The following PTGFRN variants were observed in gnomAD, a reference collection of about 807,000 sequenced individuals.
PTGFRN encodes prostaglandin F2 receptor inhibitor.
PTGFRN carries 35 observed loss-of-function variants against 83.2 expected under a neutral mutation model. The ratio of observed to expected loss-of-function variants is 0.42; its 90% CI spans 0.32 to 0.56. PTGFRN has a LOEUF of 0.56. Among genes scored for constraint, PTGFRN ranks in the 20% least tolerant of loss-of-function variants. The pLI, the probability that PTGFRN is intolerant of heterozygous loss-of-function variation, is 0.11. For synonymous variants in PTGFRN, 519 were observed against 498.6 expected (o/e 1.04, Z -0.55); for missense variants, 1,051 against 1,179.5 (o/e 0.89, Z 1.60).
At position 116,910,165 on chromosome 1, in the gene PTGFRN, AAGGAGG is replaced by A; in HGVS notation, c.-32_-27del. 1 of 1,513,546 alleles carries A rather than the reference AAGGAGG, an allele frequency of 6.6e-7. No homozygotes were observed. The highest frequency in any genetic ancestry group is 1.2e-5 in the South Asian group (1 of 82,374). 93.8% of individuals were successfully genotyped at this position (1,513,546 alleles called of 1,614,324 possible). A position where few individuals can be genotyped will look rare whatever the true frequency, so the allele number is the denominator to read the frequency against. ...AGGAGGAGGAGGAGAGGCGGCGGGGAAGGAGGAGGAGGGGGAGAGTCGCTCCCGCCG... is the reference window on the plus strand; with the variant it reads ...AGGAGGAGGAGGAGAGGCGGCGGGGAAGGAGGGGGAGAGTCGCTCCCGCCG... On this transcript the variant is annotated 5_prime_UTR_variant, in exon 1 of 9. Transcript: ENST00000393203.
chr1:116,914,537 G>C (rs1303343323), intron 1 of PTGFRN, among the ~76,000 whole-genome samples: 1 of 152,170 alleles, frequency 6.6e-6, no homozygotes, highest in African/African-American at 2.4e-5. Flanking sequence ...GATTGCTTGA[G>C]ATCAGGAGAT....
intron 8 of PTGFRN, among the ~76,000 whole-genome samples, chr1:116,986,285 A>G (rs1651480821): frequency 6.6e-6 from 1 of 152,202 alleles, no homozygotes; most frequent in South Asian, 2.1e-4. Flanking sequence ...CATATTTTGC[A>G]TCTTAGGAAT....
In PTGFRN at chr1:116,913,214, A is replaced by C. The variant is rs77621579; in HGVS notation, c.49+2962A>C. Among the ~76,000 whole-genome samples the C allele has an allele frequency of 4.4e-3, 676 of 152,300 alleles. 4 individuals are homozygous for C. Among genetic ancestry groups the C allele is most frequent in the Non-Finnish European group, 6.2e-3 (423 of 68,012 alleles). ...TGGGAAACAAGGAAGGGGATGATTA[A>C]TTTTGACTTGGGGGTTGGGGCTGGT... On this transcript the variant is annotated intron_variant, in intron 1 of 8. Coordinates refer to ENST00000393203, the MANE Select transcript of PTGFRN (RefSeq NM_020440.4).
chr1:116,973,356 A>T (rs1458161350), intron 6 of PTGFRN, among the ~76,000 whole-genome samples: 2 of 152,114 alleles, frequency 1.3e-5, no homozygotes, highest in African/African-American at 4.8e-5. Flanking sequence ...TCCACCTGTA[A>T]TCTCAGCACT....
chr1:116,970,767 A>G (rs1304983575), intron 6 of PTGFRN, among the ~76,000 whole-genome samples: 1 of 152,184 alleles, frequency 6.6e-6, no homozygotes, highest in African/African-American at 2.4e-5. Context: ...ATTGATTTGA[A>G]ACTGAACAGC....
rs1473463818 is a variant in PTGFRN at position 116,949,396 on chromosome 1, T to G, written c.1037T>G (p.Val346Gly). Reference sequence around the variant, plus strand: ...TCCCTGGTGCACAGCTCGCCTCATGTTGCTTTGAGTCATGTGGATGCACGC... The same window carrying G: ...TCCCTGGTGCACAGCTCGCCTCATGGTGCTTTGAGTCATGTGGATGCACGC... ...RDSLVHSSPH[V>G]ALSHVDARSY... Residue 346 changes from valine to glycine, a missense_variant, in exon 4 of 9, where the codon GTT (valine) becomes GGT (glycine). By Grantham distance (109) the Val-to-Gly change is moderately radical. Coordinates refer to ENST00000393203, the MANE Select transcript of PTGFRN (RefSeq NM_020440.4). 2 of 1,614,152 alleles carry G rather than the reference T, an allele frequency of 1.2e-6. No individual in the cohort carries two copies. The highest frequency in any genetic ancestry group is 1.7e-6 in the Non-Finnish European group (2 of 1,180,058).
intron 1 of PTGFRN, among the ~76,000 whole-genome samples, chr1:116,940,560 G>T (rs1263539836): frequency 6.6e-6 from 1 of 152,108 alleles, no homozygotes; most frequent in Non-Finnish European, 1.5e-5. Flanking sequence ...TTTGGATGGG[G>T]ACATAATTCA....
At chr1:116,937,244 G>T (rs1191463453) in intron 1 of PTGFRN, among the ~76,000 whole-genome samples, 1 of 152,148 alleles carries the variant, frequency 6.6e-6, no homozygotes, top group East Asian at 1.9e-4. Context: ...AACAAAAACG[G>T]CCAGGTCCTG....
At chr1:116,968,516 G>A (rs1557746745) in intron 6 of PTGFRN, among the ~76,000 whole-genome samples, 1 of 151,922 alleles carries the variant, frequency 6.6e-6, no homozygotes, top group Non-Finnish European at 1.5e-5. Flanking sequence ...CCTTTATTGT[G>A]TATCTGTTTG....
intron 5 of PTGFRN, among the ~76,000 whole-genome samples, chr1:116,964,839 A>C (rs1650779627): frequency 6.6e-6 from 1 of 152,244 alleles, no homozygotes; most frequent in Non-Finnish European, 1.5e-5. Context: ...AAATTGACTT[A>C]GAATCTGGCT....
chr1:116,944,432 G>T (rs1409151530), intron 2 of PTGFRN, among the ~76,000 whole-genome samples: 3 of 152,166 alleles, frequency 2.0e-5, no homozygotes, highest in Non-Finnish European at 2.9e-5. Context: ...CATCCCCAAG[G>T]CACGACTCCC....
chr1:116,945,239 T>A, intron 3 of PTGFRN, 147 bp downstream of exon 3: 1 of 1,074,974 alleles, frequency 9.3e-7, no homozygotes, highest in Non-Finnish European at 1.3e-6. Flanking sequence ...GTGAAGGGAG[T>A]AGGGTGTTGA....
At position 116,949,455 on chromosome 1, in the gene PTGFRN, GA is replaced by G; in HGVS notation, c.1100del (p.Asn367ThrfsTer35). 6.2e-7 allele frequency: 1 copy of G among 1,614,254 alleles called. No individual in the cohort carries two copies. Among genetic ancestry groups the G allele is most frequent in the Non-Finnish European group, 8.5e-7 (1 of 1,180,042 alleles). ...TTTACTGGTTCGGGATGTTAGCAAAGAAAACTCTGGCTACTATTACTGCCAC... is the reference window on the plus strand; with the variant it reads ...TTTACTGGTTCGGGATGTTAGCAAAGAAACTCTGGCTACTATTACTGCCAC... ...YHLLVRDVSK[E>X]NSGYYYCHVS... On this transcript the variant is annotated frameshift_variant, in exon 4 of 9. Transcript: ENST00000393203. LOFTEE classifies it high-confidence loss of function.
Position 116,961,317 on chromosome 1 carries a change from C to T in PTGFRN, c.1288C>T (p.Arg430Trp), listed in dbSNP as rs148524321. 83 of 1,562,884 alleles carry T rather than the reference C, an allele frequency of 5.3e-5. No homozygotes were observed. In the African/African-American group the frequency reaches 6.2e-4, roughly 12 times the overall value. Residue 430 changes from arginine to tryptophan, a missense_variant, in exon 5 of 9, where the codon CGG becomes TGG. Around this residue, in one of 3 missense-constraint regions of PTGFRN, gnomAD observed 719 missense variants for 836.6 expected, o/e 0.86. Transcript: ENST00000393203. This position sits in a 1 kb window ranked among gnomAD's most constrained non-coding sequence, Gnocchi z 5.4. ...FADDPTELAC[R>W]VVDTKSGEAN... ...GGATGACCCCACAGAGCTGGCATGCCGGGTGGTGGACACGAAGAGTGGGGA... is the reference window on the plus strand; with the variant it reads ...GGATGACCCCACAGAGCTGGCATGCTGGGTGGTGGACACGAAGAGTGGGGA...
At chr1:116,911,154 C>T (rs1649263511) in intron 1 of PTGFRN, among the ~76,000 whole-genome samples, 1 of 152,076 alleles carries the variant, frequency 6.6e-6, no homozygotes. Context: ...ATTAAGTGCC[C>T]ACCATGGTAC....
chr1:116,979,770 A>G (rs540346975), intron 7 of PTGFRN, among the ~76,000 whole-genome samples: 1 of 152,376 alleles, frequency 6.6e-6, no homozygotes, highest in Admixed American at 6.5e-5. Flanking sequence ...TAAAAACCCT[A>G]GAAGAAAACC....
chr1:116,946,936 C>A (rs1650215965), intron 3 of PTGFRN, among the ~76,000 whole-genome samples: 1 of 152,180 alleles, frequency 6.6e-6, no homozygotes, highest in Non-Finnish European at 1.5e-5. Context: ...ATATCTGCAG[C>A]AACTGTAATG....
intron 1 of PTGFRN, among the ~76,000 whole-genome samples, chr1:116,940,114 G>C (rs1166442490): frequency 6.6e-6 from 1 of 152,206 alleles, no homozygotes; most frequent in Non-Finnish European, 1.5e-5. Context: ...AAAAAGAGTG[G>C]CAGTAGTATA....
At chr1:116,922,562 A>G (rs1231368545) in intron 1 of PTGFRN, among the ~76,000 whole-genome samples, 1 of 152,202 alleles carries the variant, frequency 6.6e-6, no homozygotes, top group Non-Finnish European at 1.5e-5. Flanking sequence ...AGGGAGGGCC[A>G]CAGAGGTAGC....
Sources: gnomAD v4.1 joint callset for allele counts (sites outside exome capture counted in the v4.1 genomes callset) on GRCh38, gnomAD v4.1.1 for gene constraint, gnomAD v4.1.1 regional missense constraint, Gnocchi (gnomAD v3.1) non-coding constraint, MANE v1.5 for transcripts, NCBI Gene and HGNC (gene_info 2026-07-23, HGNC 2026-07-21) for gene names.